The following ZNF268 variants were observed in gnomAD, a reference collection of about 807,000 sequenced individuals.
ZNF268 encodes zinc finger protein 3.
Under a neutral mutation model 29.3 loss-of-function variants are expected in ZNF268, and 20 were observed. That is an observed-to-expected ratio of 0.68 (90% CI 0.48 to 0.99). The LOEUF is 0.99. Ranked by LOEUF, ZNF268 falls within the 50% of genes least tolerant of loss-of-function variation. ZNF268 has a pLI of 0.00. For missense variants in ZNF268, 1,240 were observed against 1,121.6 expected (o/e 1.11, Z -1.51); for synonymous variants, 429 against 376.9 (o/e 1.14, Z -1.60).
In ZNF268 at chr12:133,203,232, A is replaced by G. The variant is rs1383326611; in HGVS notation, c.1546A>G (p.Ile516Val). The G allele has an allele frequency of 1.3e-6, 2 of 1,537,978 alleles. No individual in the cohort carries two copies. The highest frequency in any genetic ancestry group is 1.7e-6 in the Non-Finnish European group (2 of 1,146,852). ...AGCCTTCAGGAGCAAGTCATACCTT[A>G]TTATACATACAAGGACTCATACAGG... ...GKAFRSKSYL[I>V]IHTRTHTGEK... The change falls in exon 6 of 6, where the codon ATT becomes GTT. Residue 516 changes from isoleucine (I) to valine (V), a missense_variant. Around this residue, in one of 3 missense-constraint regions of ZNF268, gnomAD observed 1,177 missense variants for 1,039.6 expected, o/e 1.13. Coordinates refer to ENST00000536435, the MANE Select transcript of ZNF268 (RefSeq NM_003415.3).
In ZNF268 at chr12:133,208,777, T is replaced by G. The variant is rs1285983875; in HGVS notation, c.*4247T>G. On this transcript the variant is annotated 3_prime_UTR_variant, in exon 6 of 6. Coordinates refer to ENST00000536435, the MANE Select transcript of ZNF268 (RefSeq NM_003415.3). ...TGGGTGCAGAAACAACTGCCATGAA[T>G]TGGAGATGTGATCGTGTAATTAGGA... is the stretch of plus-strand genomic sequence containing the variant. 1.3e-5 allele frequency: 2 copies of G among 152,096 alleles called. No homozygotes were observed. The allele number at this position is 152,096 out of a possible 1,614,324, so 9.4% of individuals were successfully genotyped here.
chr12:133,184,764 G>T (rs753978996), intron 2 of ZNF268: 1 of 440,780 alleles, frequency 2.3e-6, no homozygotes, highest in Non-Finnish European at 4.6e-6. Flanking sequence ...TTACAGGTGC[G>T]CACCACCATG....
chr12:133,181,888 C>T (rs549470743), intron 1 of ZNF268, 58 bp from the exon 2 acceptor site: 23 of 1,215,818 alleles, frequency 1.9e-5, no homozygotes, highest in Non-Finnish European at 2.7e-5. Context: ...CGGACCCTCC[C>T]CCTCTGGGTT....
chr12:133,199,311 T>A (rs138850911), intron 5 of ZNF268, among the ~76,000 whole-genome samples: 8,749 of 152,154 alleles, frequency 0.058, 383 homozygotes, highest in Non-Finnish European at 0.088. Flanking sequence ...TTTTTGTCTT[T>A]GGTTTTGTTT....
rs1239512133 is a variant in ZNF268, at chr12:133,202,167, C to T, written c.481C>T (p.Leu161Phe). The T allele has an allele frequency of 3.1e-6, 5 of 1,593,238 alleles. No individual in the cohort carries two copies. The highest frequency in any genetic ancestry group is 3.4e-4 in the Middle Eastern group (2 of 5,944). Reference protein sequence around the residue: ...CPNTVWKIDDLMDWHQENKDK... With the variant: ...CPNTVWKIDDFMDWHQENKDK... ...AGACACAGTCTGGAAAATTGATGAT[C>T]TTATGGATTGGCATCAGGAAAATAA... The change falls in exon 6 of 6, where the codon CTT becomes TTT. Residue 161 changes from leucine (L) to phenylalanine (F), a missense_variant. This residue lies in a region of ZNF268 where 1,177 missense variants were observed against 1,039.6 expected (regional missense o/e 1.13). Coordinates refer to ENST00000536435, the MANE Select transcript of ZNF268 (RefSeq NM_003415.3).
In ZNF268 at chr12:133,204,144, AAATC is replaced by A. The variant is rs1593931204; in HGVS notation, c.2460_2463del (p.Lys820AsnfsTer123). ...TGAATGTGGGAAAGCCTTCATTTGGAAATCACTACTCATTGTACATGAGCGAACT... is the reference window on the plus strand; with the variant it reads ...TGAATGTGGGAAAGCCTTCATTTGGAACTACTCATTGTACATGAGCGAACT... On this transcript the variant is annotated frameshift_variant, in exon 6 of 6. Coordinates refer to ENST00000536435, the MANE Select transcript of ZNF268 (RefSeq NM_003415.3). LOFTEE classifies it low-confidence loss of function (END_TRUNC). 1.3e-6 allele frequency: 2 copies of A among 1,543,272 alleles called. No homozygotes were observed. The highest frequency in any genetic ancestry group is 4.9e-5 in the East Asian group (2 of 40,948).
rs775452116 is a variant in ZNF268 at position 133,184,684 on chromosome 12, T to G, written c.33+2654T>G. ...TCCAGGCTGGAGTGCAGTGGCTATC[T>G]CTGCTCACCACAACGTCTGCTTCCC... On this transcript the variant is annotated intron_variant, in intron 2 of 5. Transcript: ENST00000536435. 22 of 451,574 alleles carry G rather than the reference T, an allele frequency of 4.9e-5. 1 individual carries two copies. The highest frequency in any genetic ancestry group is 3.4e-4 in the South Asian group (22 of 64,200). 28.0% of individuals were successfully genotyped at this position (451,574 alleles called of 1,614,324 possible). A position where few individuals can be genotyped will look rare whatever the true frequency, so the allele number is the denominator to read the frequency against.
intron 3 of ZNF268, among the ~76,000 whole-genome samples, chr12:133,190,087 C>T (rs1296272823): frequency 2.0e-5 from 3 of 152,148 alleles, no homozygotes; most frequent in African/African-American, 7.2e-5. Context: ...GGGTTACAGG[C>T]GTGAGCCATG....
intron 3 of ZNF268, among the ~76,000 whole-genome samples, chr12:133,189,736 G>T (rs77121947): frequency 0.24 from 36,367 of 152,024 alleles, 4,914 homozygotes; most frequent in Non-Finnish European, 0.3. Flanking sequence ...GGACAGTTTT[G>T]TTTCTTTCCA....
At position 133,202,921 on chromosome 12, in the gene ZNF268, G is replaced by C; in HGVS notation, c.1235G>C (p.Gly412Ala). Reference protein sequence around the residue: ...QLIIHERIHTGEKPYECNECQ... With the variant: ...QLIIHERIHTAEKPYECNECQ... ...ATTATACATGAAAGAATTCATACAG[G>C]AGAGAAACCATATGAATGCAATGAA... Residue 412 changes from glycine to alanine, a missense_variant, in exon 6 of 6, where the codon GGA becomes GCA. Around this residue, in one of 3 missense-constraint regions of ZNF268, gnomAD observed 1,177 missense variants for 1,039.6 expected, o/e 1.13. Transcript: ENST00000536435. The C allele has an allele frequency of 6.5e-7, 1 of 1,546,402 alleles. No homozygotes were observed. The highest frequency in any genetic ancestry group is 8.7e-7 in the Non-Finnish European group (1 of 1,149,974).
intron 2 of ZNF268, among the ~76,000 whole-genome samples, chr12:133,182,740 G>T (rs919086733): frequency 5.3e-5 from 8 of 152,218 alleles, no homozygotes; most frequent in Non-Finnish European, 7.3e-5. Context: ...GGCTTGAAAT[G>T]ACCTCATGTG....
At position 133,203,918 on chromosome 12, in the gene ZNF268, A is replaced by T; in HGVS notation, c.2232A>T (p.Arg744Ser). The change falls in exon 6 of 6, where the codon AGA becomes AGT. Residue 744 changes from arginine (R) to serine (S), a missense_variant. Physicochemically the swap from Arg to Ser is moderately radical, Grantham distance 110 (BLOSUM62 -1). Around this residue, in one of 3 missense-constraint regions of ZNF268, gnomAD observed 1,177 missense variants for 1,039.6 expected, o/e 1.13. Coordinates refer to ENST00000536435, the MANE Select transcript of ZNF268 (RefSeq NM_003415.3). ...SFNSQLIVHQ[R>S]IHTGENPYEC... Reference sequence around the variant, plus strand: ...ATTCACAACTCATTGTGCATCAGAGAATTCACACAGGAGAAAATCCCTATG... The same window carrying T: ...ATTCACAACTCATTGTGCATCAGAGTATTCACACAGGAGAAAATCCCTATG... 1.9e-6 allele frequency: 3 copies of T among 1,588,538 alleles called. No individual in the cohort carries two copies. Among genetic ancestry groups the T allele is most frequent in the African/African-American group, 1.3e-5 (1 of 74,222 alleles).
rs1483294554 is a variant in ZNF268 at position 133,187,958 on chromosome 12, T to C, written c.120T>C (p.Pro40=). 1 of 1,600,134 alleles carries C rather than the reference T, an allele frequency of 6.2e-7. No individual in the cohort carries two copies. Residue 40 remains proline, a synonymous_variant, in exon 3 of 6, where the codon CCT becomes CCC. Coordinates refer to ENST00000536435, the MANE Select transcript of ZNF268 (RefSeq NM_003415.3). ...GQESILGQGT[P]GLQPLPGTPR... is the part of the protein sequence containing the mutation. ...AATCCATCTTGGGCCAAGGGACTCC[T>C]GGTCTGCAACCTCTCCCTGGAACAC...
At position 133,203,461 on chromosome 12, in the gene ZNF268, C is replaced by G. The variant is rs1456636927; in HGVS notation, c.1775C>G (p.Ala592Gly). ...TATGAATGCACCGACTGTGGAAAGGCTTTTGGTTTAAAGTCACAGCTTATT... is the reference window on the plus strand; with the variant it reads ...TATGAATGCACCGACTGTGGAAAGGGTTTTGGTTTAAAGTCACAGCTTATT... ...KPYECTDCGKAFGLKSQLIIH... is the reference protein window; with the variant it reads ...KPYECTDCGKGFGLKSQLIIH... Residue 592 changes from alanine to glycine, a missense_variant, in exon 6 of 6, where the codon GCT (alanine) becomes GGT (glycine). Ala to Gly is a moderately conservative substitution (Grantham distance 60). Transcript: ENST00000536435. The G allele has an allele frequency of 1.9e-6, 3 of 1,542,032 alleles. No individual in the cohort carries two copies. Among genetic ancestry groups the G allele is most frequent in the African/African-American group, 2.7e-5 (2 of 73,034 alleles).
At chr12:133,190,559 C>T (rs1956441356) in intron 3 of ZNF268, among the ~76,000 whole-genome samples, 1 of 152,156 alleles carries the variant, frequency 6.6e-6, no homozygotes, top group Non-Finnish European at 1.5e-5. Context: ...TGGTATTGAG[C>T]ATGCTTTGTA....
At position 133,206,881 on chromosome 12, in the gene ZNF268, T is replaced by G. The variant is rs1453942051; in HGVS notation, c.*2351T>G. 6.6e-6 allele frequency: 1 copy of G among 152,210 alleles called. No individual in the cohort carries two copies. The highest frequency in any genetic ancestry group is 1.5e-5 in the Non-Finnish European group (1 of 68,044). The allele number at this position is 152,210 out of a possible 1,614,324, so 9.4% of individuals were successfully genotyped here. A position where few individuals can be genotyped will look rare whatever the true frequency, so the allele number is the denominator to read the frequency against. ...CTGTAAAGGTGTATATTATTATTGA[T>G]GTACCAAAGAAGACAGAATAAATTC... On this transcript the variant is annotated 3_prime_UTR_variant, in exon 6 of 6. Coordinates refer to ENST00000536435, the MANE Select transcript of ZNF268 (RefSeq NM_003415.3).
rs1956909235 is a variant in ZNF268 at position 133,206,958 on chromosome 12, T to C, written c.*2428T>C. 1 of 152,216 alleles carries C rather than the reference T, an allele frequency of 6.6e-6. No homozygotes were observed. Among genetic ancestry groups the C allele is most frequent in the Non-Finnish European group, 1.5e-5 (1 of 68,042 alleles). The allele number at this position is 152,216 out of a possible 1,614,324, so 9.4% of individuals were successfully genotyped here. A position where few individuals can be genotyped will look rare whatever the true frequency, so the allele number is the denominator to read the frequency against. On this transcript the variant is annotated 3_prime_UTR_variant, in exon 6 of 6. Coordinates refer to ENST00000536435, the MANE Select transcript of ZNF268 (RefSeq NM_003415.3). ...CTACTACCTAGGGTTAGATTTTAGT[T>C]TGTTGTTTTTTCAGATGCAAATCTA...
intron 5 of ZNF268, among the ~76,000 whole-genome samples, chr12:133,192,289 G>A (rs1374539555): frequency 6.6e-6 from 1 of 151,806 alleles, no homozygotes; most frequent in African/African-American, 2.4e-5. Context: ...TGTATTTTTA[G>A]TAGAGATGGG....
chr12:133,204,099 G>GA lies in ZNF268; in HGVS notation c.2418dup (p.Pro807ThrfsTer3), dbSNP rs1956835147. 2.6e-6 allele frequency: 4 copies of GA among 1,547,712 alleles called. No homozygotes were observed. The South Asian group carries it at 3.6e-5, about 14-fold the overall frequency. On this transcript the variant is annotated frameshift_variant, in exon 6 of 6. Transcript: ENST00000536435. LOFTEE classifies it low-confidence loss of function (END_TRUNC). ...TATACACATGAGAACTCATTCAGGT[G>GA]AAAAACCATATGAATGTAATGAATG...
Sources: gnomAD v4.1 joint callset for allele counts (sites outside exome capture counted in the v4.1 genomes callset) on GRCh38, gnomAD v4.1.1 for gene constraint, gnomAD v4.1.1 regional missense constraint, MANE v1.5 for transcripts, NCBI Gene and HGNC (gene_info 2026-07-23, HGNC 2026-07-21) for gene names.